Variants in SUGCT observed in about 807,000 individuals in gnomAD.
SUGCT encodes the protein succinyl-CoA:glutarate-CoA transferase.
Under a neutral mutation model 55.0 loss-of-function variants are expected in SUGCT, and 41 were observed. The observed-to-expected ratio is 0.74, with a 90% CI of 0.58 to 0.97. The LOEUF is 0.97. SUGCT is among the 50% of genes least tolerant of loss of function. The probability of loss-of-function intolerance (pLI) is 0.00; values close to 1 mark genes in which losing one functional copy is unlikely to be tolerated. For synonymous variants in SUGCT, 187 were observed against 200.4 expected (o/e 0.93, Z 0.56); for missense variants, 568 against 547.8 (o/e 1.04, Z -0.37).
At chr7:40,360,008 A>G (rs533047211) in intron 9 of SUGCT, among the ~76,000 whole-genome samples, 2 of 152,222 alleles carry the variant, frequency 1.3e-5, no homozygotes, top group South Asian at 2.1e-4. Context: ...TCTGCTGTGC[A>G]TGTGTGTGCA....
chr7:40,896,216 A>C, the SUGCT span, among the ~76,000 whole-genome samples: 1 of 152,230 alleles, frequency 6.6e-6, no homozygotes, highest in Non-Finnish European at 1.5e-5. Flanking sequence ...ATTTGAAAAA[A>C]AATAAGAAAA....
the SUGCT span, among the ~76,000 whole-genome samples, chr7:40,884,407 C>A: frequency 6.6e-6 from 1 of 152,120 alleles, no homozygotes; most frequent in Non-Finnish European, 1.5e-5. Context: ...GTTTTGGATC[C>A]CTGGAGAGAT....
intron 11 of SUGCT, among the ~76,000 whole-genome samples, chr7:40,469,906 T>C (rs2151467816): frequency 6.6e-6 from 1 of 152,292 alleles, no homozygotes; most frequent in South Asian, 2.1e-4. Flanking sequence ...TGGAACTTAA[T>C]GTGTATTTTT....
At chr7:40,611,522 A>G (rs75935112) in intron 12 of SUGCT, among the ~76,000 whole-genome samples, 10,710 of 152,062 alleles carry the variant, frequency 0.07, 504 homozygotes, top group Middle Eastern at 0.11. Context: ...TTTATTTTAA[A>G]TCAAATGTGA....
At chr7:40,583,401 A>G (rs1441954775) in intron 12 of SUGCT, among the ~76,000 whole-genome samples, 1 of 151,862 alleles carries the variant, frequency 6.6e-6, no homozygotes, top group Non-Finnish European at 1.5e-5. Flanking sequence ...TCTAATGAAT[A>G]CTTTTAGTGT....
At chr7:40,873,405 G>A in the SUGCT span, among the ~76,000 whole-genome samples, 825 of 152,274 alleles carry the variant, frequency 5.4e-3, 56 homozygotes, top group South Asian at 0.15. Flanking sequence ...CAATGGGAAG[G>A]GCATCTGGCA....
At chr7:40,630,718 C>T (rs1204787998) in intron 12 of SUGCT, among the ~76,000 whole-genome samples, 3 of 152,070 alleles carry the variant, frequency 2.0e-5, no homozygotes, top group Non-Finnish European at 4.4e-5. Context: ...TCTCCTGTCC[C>T]CCAAAAGGGC....
chr7:40,832,317 C>T (rs1416403338), intron 13 of SUGCT, among the ~76,000 whole-genome samples: 1 of 152,126 alleles, frequency 6.6e-6, no homozygotes, highest in African/African-American at 2.4e-5. Flanking sequence ...TAATTATCCT[C>T]CATCCTACAG....
At chr7:40,827,264 A>G (rs1429037915) in intron 13 of SUGCT, among the ~76,000 whole-genome samples, 1 of 152,144 alleles carries the variant, frequency 6.6e-6, no homozygotes, top group Non-Finnish European at 1.5e-5. Flanking sequence ...ATCAAAGGTG[A>G]TAGGGTGTGT....
At chr7:40,400,999 T>A (rs1481678919) in intron 9 of SUGCT, among the ~76,000 whole-genome samples, 1 of 152,212 alleles carries the variant, frequency 6.6e-6, no homozygotes, top group Non-Finnish European at 1.5e-5. Context: ...GTTGCTAAAA[T>A]GCTTTTGTTT....
chr7:40,485,976 T>C (rs1460636004), intron 11 of SUGCT, among the ~76,000 whole-genome samples: 5 of 152,190 alleles, frequency 3.3e-5, no homozygotes, highest in Non-Finnish European at 7.4e-5. Context: ...TGTAATTTTC[T>C]TTTATTTTTG....
intron 9 of SUGCT, among the ~76,000 whole-genome samples, chr7:40,443,193 G>A (rs1048557062): frequency 2.0e-5 from 3 of 152,172 alleles, no homozygotes; most frequent in Non-Finnish European, 2.9e-5. Context: ...ACGTGTGCAC[G>A]TGTCTTTATA....
At chr7:40,727,680 T>C (rs956492001) in intron 12 of SUGCT, among the ~76,000 whole-genome samples, 1 of 152,232 alleles carries the variant, frequency 6.6e-6, no homozygotes, top group Non-Finnish European at 1.5e-5. Flanking sequence ...ACTTTTTGTC[T>C]AATTCTGAAT....
chr7:40,224,722 GT>G (rs756260750), intron 6 of SUGCT, among the ~76,000 whole-genome samples: 2 of 152,194 alleles, frequency 1.3e-5, no homozygotes, highest in Non-Finnish European at 2.9e-5. Context: ...CAGGTGAAAA[GT>G]GTTTATTAAA....
intron 12 of SUGCT, among the ~76,000 whole-genome samples, chr7:40,518,489 C>A (rs926325020): frequency 1.3e-5 from 2 of 152,008 alleles, no homozygotes; most frequent in African/African-American, 4.8e-5. Flanking sequence ...TAGAATGAAC[C>A]AATGTCAACT....
chr7:40,349,776 G>A (rs1042291699), intron 9 of SUGCT, among the ~76,000 whole-genome samples: 1 of 152,116 alleles, frequency 6.6e-6, no homozygotes, highest in Non-Finnish European at 1.5e-5. Flanking sequence ...GGGCTTAAGT[G>A]ACCCTTTTAC....
At chr7:40,911,082 C>A in the SUGCT span, among the ~76,000 whole-genome samples, 1 of 152,144 alleles carries the variant, frequency 6.6e-6, no homozygotes, top group Admixed American at 6.5e-5. Context: ...TTCCCTTCGC[C>A]ATGGCTGACA....
intron 13 of SUGCT, among the ~76,000 whole-genome samples, chr7:40,838,546 C>T (rs1288333395): frequency 1.3e-5 from 2 of 152,070 alleles, no homozygotes; most frequent in Admixed American, 6.6e-5. Flanking sequence ...ATTTCAGTTT[C>T]CACATTTTCC....
intron 9 of SUGCT, among the ~76,000 whole-genome samples, chr7:40,367,356 T>A (rs1446467989): frequency 1.3e-5 from 2 of 151,636 alleles, no homozygotes. Context: ...GCATGGCACA[T>A]GTATACATAT....
Sources: allele counts gnomAD v4.1 joint callset (sites outside exome capture counted in the v4.1 genomes callset), GRCh38; gene constraint gnomAD v4.1.1; transcripts MANE v1.5; gene names NCBI Gene and HGNC (gene_info 2026-07-23, HGNC 2026-07-21).